PPP1R13L: variants seen among roughly 807,000 people sequenced by gnomAD.
The protein encoded by PPP1R13L is relA-associated inhibitor.
PPP1R13L carries 50 observed loss-of-function variants against 80.9 expected under a neutral mutation model. That is an observed-to-expected ratio of 0.62 (90% confidence interval 0.49 to 0.78). PPP1R13L has a LOEUF of 0.78. Among genes scored for constraint, PPP1R13L ranks in the 30% least tolerant of loss-of-function variants. The pLI, the probability that PPP1R13L is intolerant of heterozygous loss-of-function variation, is 0.00. For missense variants in PPP1R13L, 1,200 were observed against 1,205.9 expected, an observed-to-expected ratio of 1.00 and a Z score of 0.07; for synonymous variants, 602 against 534.3, an observed-to-expected ratio of 1.13 and a Z score of -1.75.
intron 8 of PPP1R13L, among the ~76,000 whole-genome samples, chr19:45,387,668 C>A (rs1486430784): frequency 3.9e-5 from 6 of 152,166 alleles, no homozygotes; most frequent in African/African-American, 1.4e-4. Flanking sequence ...CATTCTCCTG[C>A]CTCAGCCTGC....
intron 11 of PPP1R13L, among the ~76,000 whole-genome samples, chr19:45,384,253 G>C (rs990065323): frequency 2.7e-5 from 4 of 150,740 alleles, no homozygotes; most frequent in African/African-American, 9.8e-5. Context: ...GGGCACAGTG[G>C]CTCACACCTA....
chr19:45,395,265 A>C, intron 7 of PPP1R13L, 171 bp downstream of exon 7: 1 of 851,684 alleles, frequency 1.2e-6, no homozygotes, highest in East Asian at 2.8e-5. Context: ...CCTTTGAGCT[A>C]TCCCTGGCTC....
chr19:45,397,200 G>T, intron 3 of PPP1R13L, 142 bp from the exon 4 acceptor site: 1 of 598,318 alleles, frequency 1.7e-6, no homozygotes, highest in Non-Finnish European at 2.5e-6. Flanking sequence ...GGCACAGAGA[G>T]CCCAGGTGAG....
chr19:45,393,745 C>T (rs1457678333), intron 7 of PPP1R13L, among the ~76,000 whole-genome samples: 7 of 151,634 alleles, frequency 4.6e-5, no homozygotes, highest in Admixed American at 1.3e-4. Flanking sequence ...TGGTGGTGGG[C>T]GCCTGTAGTC....
At chr19:45,405,986 G>A (rs1973345473), upstream of PPP1R13L, among the ~76,000 whole-genome samples, 1 of 152,164 alleles carries the variant, frequency 6.6e-6, no homozygotes, top group African/African-American at 2.4e-5. Flanking sequence ...CTAAACCCCC[G>A]AGGGCATCTA....
intron 11 of PPP1R13L, 74 bp downstream of exon 11, chr19:45,385,488 T>G: frequency 7.0e-7 from 1 of 1,433,152 alleles, no homozygotes; most frequent in Non-Finnish European, 9.4e-7. Context: ...CTCTCCCTAG[T>G]AGGGGGTAGT....
chr19:45,385,819 CTCACCAGCCGTGGCTGTCGG>C lies in PPP1R13L; in HGVS notation c.2066_2081+4del. 16 of 1,610,492 alleles carry C rather than the reference CTCACCAGCCGTGGCTGTCGG, an allele frequency of 9.9e-6. No homozygotes were observed. Among genetic ancestry groups the C allele is most frequent in the Non-Finnish European group, 1.4e-5 (16 of 1,178,928 alleles). On this transcript the variant is annotated splice_donor_variant and splice_donor_region_variant and coding_sequence_variant and intron_variant, in exon 10 of 13. Transcript: ENST00000360957. LOFTEE classifies it high-confidence loss of function. ...ACCCAGCCCACCGCGCGGGTCGGGG[CTCACCAGCCGTGGCTGTCGG>C]GGGAGTTGACATTGGCACCCGCGGT...
In PPP1R13L at chr19:45,396,415, C is replaced by T. The variant is rs1469190547; in HGVS notation, c.734G>A (p.Arg245Gln). The T allele has an allele frequency of 1.2e-6, 2 of 1,614,044 alleles. No homozygotes were observed. Among genetic ancestry groups the T allele is most frequent in the Admixed American group, 1.7e-5 (1 of 60,020 alleles). Residue 245 changes from arginine (R) to glutamine (Q), a missense_variant, in exon 5 of 13, where the codon CGG becomes CAG. Physicochemically the swap from Arg to Gln is conservative, Grantham distance 43. Transcript: ENST00000360957. This position sits in a 1 kb window ranked among gnomAD's most constrained non-coding sequence, Gnocchi z 5.3. ...AGACTCGTTCCAGGCTTTCGGAGGCCGCCGGCGCAGCGTCAGGTCGTCTGG... is the reference window on the plus strand; with the variant it reads ...AGACTCGTTCCAGGCTTTCGGAGGCTGCCGGCGCAGCGTCAGGTCGTCTGG... The part of the protein sequence containing the change: ...RAQDDLTLRR[R>Q]PPKAWNESDL...
intron 7 of PPP1R13L, chr19:45,392,722 C>T (rs1973002500): frequency 3.0e-6 from 1 of 334,318 alleles, no homozygotes; most frequent in South Asian, 2.6e-5. Flanking sequence ...TCTACTTCTA[C>T]CAACCGTGAT....
intron 7 of PPP1R13L, 136 bp from the exon 8 acceptor site, chr19:45,392,476 TAC>T: frequency 8.0e-6 from 7 of 876,930 alleles, no homozygotes; most frequent in Non-Finnish European, 9.2e-6. Context: ...CTCTCTGGGC[TAC>T]ACTTTCCTTG....
Position 45,396,044 on chromosome 19 carries a change from G to T in PPP1R13L, c.903+124C>A. ...GCAGAAACCCAGCACAGTGAAGGGAGAGCGTGGGAACGGGCGCCGAGACCC... is the reference window on the plus strand; with the variant it reads ...GCAGAAACCCAGCACAGTGAAGGGATAGCGTGGGAACGGGCGCCGAGACCC... On this transcript the variant is annotated intron_variant, in intron 6 of 12. Transcript: ENST00000360957. The surrounding 1 kb of genome is among the most constrained non-coding windows in gnomAD (Gnocchi z 5.3). The T allele has an allele frequency of 1.5e-6, 2 of 1,302,828 alleles. No homozygotes were observed. Among genetic ancestry groups the T allele is most frequent in the Non-Finnish European group, 2.1e-6 (2 of 950,686 alleles). The allele number at this position is 1,302,828 out of a possible 1,614,324, so 80.7% of individuals were successfully genotyped here.
At chr19:45,387,505 C>G (rs1180499190) in intron 8 of PPP1R13L, among the ~76,000 whole-genome samples, 1 of 152,160 alleles carries the variant, frequency 6.6e-6, no homozygotes, top group African/African-American at 2.4e-5. Flanking sequence ...ACTTTGGAAT[C>G]CAAAGATTCT....
Position 45,395,789 on chromosome 19 carries a change from C to A in PPP1R13L, c.1001G>T (p.Gly334Val), listed in dbSNP as rs1189924040. The A allele has an allele frequency of 1.9e-6, 3 of 1,573,160 alleles. No individual in the cohort carries two copies. In the Admixed American group the frequency reaches 5.5e-5, roughly 29 times the overall value. The change falls in exon 7 of 13, where the codon GGC (glycine) becomes GTC (valine). Residue 334 changes from glycine (G) to valine (V), a missense_variant. Coordinates refer to ENST00000360957, the MANE Select transcript of PPP1R13L (RefSeq NM_006663.4). ...SDAGSYRRSL[G>V]SAGPSGTLPR... ...CAAAGTGCCCGACGGCCCCGCGGAG[C>A]CCAGCGAGCGCCGGTAGCTGCCCGC...
chr19:45,380,749 G>A (rs1187418759), intron 12 of PPP1R13L, among the ~76,000 whole-genome samples: 2 of 151,808 alleles, frequency 1.3e-5, no homozygotes, highest in African/African-American at 4.8e-5. Flanking sequence ...AATCCGGGAG[G>A]TGGAGGCTGC....
At position 45,392,050 on chromosome 19, in the gene PPP1R13L, G is replaced by A. The variant is rs913643634; in HGVS notation, c.1645C>T (p.Arg549Cys). The stretch of plus-strand genomic sequence containing the variant: ...GGCCCCCCATGACGATGGAAGAGGC[G>A]GCTGATGATCTGCTGGTACTGTTTC... Reference protein sequence around the residue: ...HKKQYQQIISRLFHRHGGPGP... With the variant: ...HKKQYQQIISCLFHRHGGPGP... The change falls in exon 8 of 13, where the codon CGC becomes TGC. Residue 549 changes from arginine to cysteine, a missense_variant. By Grantham distance (180) the Arg-to-Cys change is radical. Coordinates refer to ENST00000360957, the MANE Select transcript of PPP1R13L (RefSeq NM_006663.4). 7 of 1,542,048 alleles carry A rather than the reference G, an allele frequency of 4.5e-6. No homozygotes were observed. The highest frequency in any genetic ancestry group is 2.8e-5 in the African/African-American group (2 of 72,268).
chr19:45,399,492 T>C (rs577819202), intron 1 of PPP1R13L, among the ~76,000 whole-genome samples: 127 of 150,116 alleles, frequency 8.5e-4, no homozygotes, highest in African/African-American at 2.8e-3. Context: ...GGCGTGGTGA[T>C]GGACGCCTGT....
intron 12 of PPP1R13L, among the ~76,000 whole-genome samples, chr19:45,381,643 G>A (rs1160091907): frequency 2.0e-5 from 3 of 152,002 alleles, no homozygotes; most frequent in South Asian, 2.1e-4. Context: ...TATAAAGGGC[G>A]CTTCCAGCCA....
upstream of PPP1R13L, chr19:45,406,230 T>A: frequency 1.4e-5 from 13 of 934,534 alleles, no homozygotes; most frequent in Non-Finnish European, 1.5e-5. The surrounding 1 kb of genome is among the most constrained non-coding windows in gnomAD (Gnocchi z 4.2). Flanking sequence ...TTGTGAGGCA[T>A]CTGGGCCTCC....
chr19:45,382,811 G>A (rs1029999229), intron 11 of PPP1R13L, 85 bp from the exon 12 acceptor site: 1 of 1,311,116 alleles, frequency 7.6e-7, no homozygotes, highest in Non-Finnish European at 1.1e-6. Context: ...GACAGACCCT[G>A]GAATTTGGCG....
Sources: gnomAD v4.1 joint callset for allele counts (sites outside exome capture counted in the v4.1 genomes callset) on GRCh38, gnomAD v4.1.1 for gene constraint, Gnocchi (gnomAD v3.1) non-coding constraint, MANE v1.5 for transcripts, NCBI Gene and HGNC (gene_info 2026-07-23, HGNC 2026-07-21) for gene names.